Variants in SLC24A2 observed in about 807,000 individuals in gnomAD.
SLC24A2 encodes the protein sodium/potassium/calcium exchanger 2.
In SLC24A2, 36 loss-of-function variants were observed where a neutral mutation model predicts 62.0. That is an observed-to-expected ratio of 0.58 (90% confidence interval 0.44 to 0.77). The LOEUF is 0.77. Ranked by LOEUF, SLC24A2 falls within the 30% of genes least tolerant of loss-of-function variation. The pLI is 0.00. For synonymous variants in SLC24A2, 358 were observed against 294.0 expected, an observed-to-expected ratio of 1.22 and a Z score of -2.23; for missense variants, 846 against 817.9, an observed-to-expected ratio of 1.03 and a Z score of -0.42.
the SLC24A2 span, among the ~76,000 whole-genome samples, chr9:20,168,663 A>G: frequency 6.6e-6 from 1 of 152,010 alleles, no homozygotes; most frequent in Non-Finnish European, 1.5e-5. Context: ...AACACTTTAC[A>G]TCTACTGGGA....
chr9:20,208,177 G>A, the SLC24A2 span, among the ~76,000 whole-genome samples: 1 of 152,210 alleles, frequency 6.6e-6, no homozygotes, highest in Non-Finnish European at 1.5e-5. Context: ...GTGCAGGTGG[G>A]TAGGCACATG....
At chr9:20,044,471 C>A in the SLC24A2 span, among the ~76,000 whole-genome samples, 1 of 152,092 alleles carries the variant, frequency 6.6e-6, no homozygotes, top group Non-Finnish European at 1.5e-5. Context: ...TTTCACTTAA[C>A]ATTGGGAGGC....
the SLC24A2 span, among the ~76,000 whole-genome samples, chr9:20,235,359 T>C: frequency 3.2e-3 from 487 of 152,348 alleles, 4 homozygotes; most frequent in African/African-American, 0.011. Context: ...CTCCTTGAGC[T>C]GTGGTGGGCT....
chr9:20,105,260 C>A, the SLC24A2 span, among the ~76,000 whole-genome samples: 3 of 152,270 alleles, frequency 2.0e-5, no homozygotes, highest in African/African-American at 7.2e-5. Context: ...GAGACTTTAA[C>A]ACCCCATTGT....
the SLC24A2 span, among the ~76,000 whole-genome samples, chr9:19,846,210 A>G: frequency 1.3e-5 from 2 of 152,096 alleles, no homozygotes; most frequent in African/African-American, 4.8e-5. Flanking sequence ...ACCCATTATT[A>G]TTGTGTGGCT....
the SLC24A2 span, among the ~76,000 whole-genome samples, chr9:20,156,360 T>C: frequency 6.6e-6 from 1 of 151,654 alleles, no homozygotes; most frequent in Non-Finnish European, 1.5e-5. Context: ...TGATTCTGGG[T>C]TTAACCTCCC....
chr9:20,280,159 A>C, the SLC24A2 span, among the ~76,000 whole-genome samples: 5 of 152,312 alleles, frequency 3.3e-5, no homozygotes, highest in African/African-American at 1.2e-4. Flanking sequence ...GCTTGGGAGA[A>C]AGGGAGCAAA....
chr9:20,243,529 G>A, the SLC24A2 span, among the ~76,000 whole-genome samples: 2 of 152,046 alleles, frequency 1.3e-5, no homozygotes, highest in South Asian at 2.1e-4. Flanking sequence ...GTATTTGAGG[G>A]TATCTTCAAT....
the SLC24A2 span, among the ~76,000 whole-genome samples, chr9:19,911,795 G>T: frequency 6.6e-6 from 1 of 152,136 alleles, no homozygotes; most frequent in South Asian, 2.1e-4. Flanking sequence ...ACACATCTAT[G>T]ATGCACCATC....
the SLC24A2 span, among the ~76,000 whole-genome samples, chr9:19,972,010 A>G: frequency 6.6e-6 from 1 of 152,190 alleles, no homozygotes; most frequent in Non-Finnish European, 1.5e-5. Context: ...GATGGCCACA[A>G]ATCTGGCTCA....
chr9:19,673,444 CGTGTGTGT>C (rs58616827), intron 2 of SLC24A2, among the ~76,000 whole-genome samples: 1 of 129,794 alleles, frequency 7.7e-6, no homozygotes, highest in East Asian at 2.0e-4. Flanking sequence ...TGTGTGTGTG[CGTGTGTGT>C]GTGTGTGTGT....
chr9:20,267,815 T>A, the SLC24A2 span, among the ~76,000 whole-genome samples: 5 of 152,182 alleles, frequency 3.3e-5, no homozygotes, highest in Non-Finnish European at 4.4e-5. Flanking sequence ...AAGGGCCTGG[T>A]TCATGGACCT....
intron 2 of SLC24A2, among the ~76,000 whole-genome samples, chr9:19,647,979 T>C (rs1169114149): frequency 6.6e-6 from 1 of 152,098 alleles, no homozygotes; most frequent in Non-Finnish European, 1.5e-5. Context: ...ACAGGGAACA[T>C]GTATGGAAGG....
intron 7 of SLC24A2, 146 bp from the exon 8 acceptor site, chr9:19,550,414 G>A (rs931921013): frequency 2.6e-6 from 2 of 771,372 alleles, no homozygotes; most frequent in Non-Finnish European, 4.3e-6. Flanking sequence ...GTGATTTTGA[G>A]ATTTGTCACA....
At chr9:19,854,971 C>T in the SLC24A2 span, among the ~76,000 whole-genome samples, 1 of 152,192 alleles carries the variant, frequency 6.6e-6, no homozygotes, top group African/African-American at 2.4e-5. Flanking sequence ...AATCTGAGTG[C>T]TCCTGTATTG....
chr9:20,154,812 T>A, the SLC24A2 span, among the ~76,000 whole-genome samples: 9 of 151,668 alleles, frequency 5.9e-5, no homozygotes, highest in African/African-American at 2.2e-4. Context: ...TTTCCAGATG[T>A]GTTTCCCCCT....
At chr9:20,178,072 G>C in the SLC24A2 span, among the ~76,000 whole-genome samples, 1 of 152,060 alleles carries the variant, frequency 6.6e-6, no homozygotes, top group Non-Finnish European at 1.5e-5. Context: ...TATAGAGTCT[G>C]GATTGATAAG....
the SLC24A2 span, among the ~76,000 whole-genome samples, chr9:20,208,159 G>A: frequency 6.6e-6 from 1 of 152,324 alleles, no homozygotes; most frequent in South Asian, 2.1e-4. Context: ...GTACCCCTTA[G>A]GAAATGTGTG....
chr9:20,096,068 T>TGTCC, the SLC24A2 span, among the ~76,000 whole-genome samples: 2 of 149,900 alleles, frequency 1.3e-5, no homozygotes, highest in African/African-American at 5.0e-5. Flanking sequence ...ACCATATCTG[T>TGTCC]ATCCATCCAT....
Sources: gnomAD v4.1 joint callset for allele counts (sites outside exome capture counted in the v4.1 genomes callset) on GRCh38, gnomAD v4.1.1 for gene constraint, MANE v1.5 for transcripts, NCBI Gene and HGNC (gene_info 2026-07-23, HGNC 2026-07-21) for gene names.